LUC7L2: variants seen among roughly 807,000 people sequenced by gnomAD.
The protein encoded by LUC7L2 is putative RNA-binding protein Luc7-like 2.
Under a neutral mutation model 52.8 loss-of-function variants are expected in LUC7L2, and 25 were observed. That is an observed-to-expected ratio of 0.47 (90% confidence interval 0.34 to 0.66). LUC7L2 has a LOEUF of 0.66. LUC7L2 is among the 30% of genes least tolerant of loss of function. The pLI, the probability that LUC7L2 is intolerant of heterozygous loss-of-function variation, is 0.01. For missense variants in LUC7L2, 328 were observed against 497.8 expected, an observed-to-expected ratio of 0.66 and a Z score of 3.25; for synonymous variants, 144 against 160.9, an observed-to-expected ratio of 0.89 and a Z score of 0.80.
At chr7:139,340,690 G>A (rs1020140382) in intron 1 of LUC7L2, 16 of 392,968 alleles carry the variant, frequency 4.1e-5, no homozygotes, top group East Asian at 2.9e-4. Context: ...TGAGCGCGTC[G>A]TTTGCAGAAG....
At chr7:139,345,115 C>G (rs1363832247) in intron 1 of LUC7L2, 1 of 168,680 alleles carries the variant, frequency 5.9e-6, no homozygotes, top group Non-Finnish European at 1.3e-5. Flanking sequence ...GGAGAAAGTT[C>G]TACATAATAT....
intron 1 of LUC7L2, among the ~76,000 whole-genome samples, chr7:139,344,291 C>G (rs1466347238): frequency 6.6e-6 from 1 of 152,124 alleles, no homozygotes; most frequent in Non-Finnish European, 1.5e-5. Context: ...GGACACCCCC[C>G]ACCCCCACTC....
At chr7:139,368,962 A>G (rs567841339) in intron 1 of LUC7L2, among the ~76,000 whole-genome samples, 2 of 152,008 alleles carry the variant, frequency 1.3e-5, no homozygotes, top group African/African-American at 2.4e-5. Flanking sequence ...TGGGTTGTCT[A>G]TCACCTCTGT....
Position 139,360,329 on chromosome 7 carries a change from C to G in LUC7L2, c.61+7C>G. On this transcript the variant is annotated splice_region_variant and intron_variant, in intron 1 of 9. Transcript: ENST00000354926. ...ATGGGCACCTCCCGGGACGGTAAGT[C>G]TCTGCCAGGGCCCTGGGGGTGGGGG... The G allele has an allele frequency of 1.3e-6, 2 of 1,562,182 alleles. No individual in the cohort carries two copies. The highest frequency in any genetic ancestry group is 1.7e-6 in the Non-Finnish European group (2 of 1,154,128).
chr7:139,374,822 C>G, intron 1 of LUC7L2: 1 of 1,083,580 alleles, frequency 9.2e-7, no homozygotes, highest in East Asian at 6.4e-5. Context: ...TTAAGTTAAG[C>G]TCTTTAGTAT....
At chr7:139,418,511 T>G (rs1245831501) in intron 9 of LUC7L2, among the ~76,000 whole-genome samples, 1 of 152,206 alleles carries the variant, frequency 6.6e-6, no homozygotes, top group Admixed American at 6.5e-5. Context: ...AAACATTTTT[T>G]GAGTGCCTAG....
chr7:139,398,456 C>A, intron 2 of LUC7L2, 143 bp from the exon 3 acceptor site: 3 of 534,212 alleles, frequency 5.6e-6, no homozygotes, highest in Non-Finnish European at 6.1e-6. Flanking sequence ...TTATATTTGT[C>A]TATGAAATTT....
intron 1 of LUC7L2, chr7:139,345,574 G>T (rs375049853): frequency 2.5e-6 from 4 of 1,613,914 alleles, no homozygotes; most frequent in South Asian, 2.2e-5. Context: ...TGCCTCCTGC[G>T]TAGCATCCGG....
At chr7:139,399,963 A>T (rs1361379475) in intron 3 of LUC7L2, among the ~76,000 whole-genome samples, 1 of 152,190 alleles carries the variant, frequency 6.6e-6, no homozygotes, top group Non-Finnish European at 1.5e-5. Context: ...TAAATCTTTG[A>T]TACATTTTAT....
intron 1 of LUC7L2, among the ~76,000 whole-genome samples, chr7:139,351,236 CTCAAAT>C (rs1799449708): frequency 6.6e-6 from 1 of 152,200 alleles, no homozygotes; most frequent in South Asian, 2.1e-4. Flanking sequence ...ACTCAGTTAT[CTCAAAT>C]TCAATGTGTG....
At chr7:139,402,492 A>G (rs1038106119) in intron 4 of LUC7L2, among the ~76,000 whole-genome samples, 2 of 151,870 alleles carry the variant, frequency 1.3e-5, no homozygotes, top group Non-Finnish European at 2.9e-5. Flanking sequence ...TTATTTGTGT[A>G]TGCATGTCTG....
At chr7:139,358,208 T>A (rs1287187249), upstream of LUC7L2, among the ~76,000 whole-genome samples, 1 of 151,430 alleles carries the variant, frequency 6.6e-6, no homozygotes. Flanking sequence ...AATTTCACCA[T>A]GTTGGTCAGG....
chr7:139,340,546 T>C (rs981543410), intron 1 of LUC7L2: 2 of 398,266 alleles, frequency 5.0e-6, no homozygotes, highest in Admixed American at 4.4e-5. Flanking sequence ...TGATGTGGAC[T>C]TTTGTTCTCT....
At chr7:139,381,445 T>A (rs969579946) in intron 2 of LUC7L2, among the ~76,000 whole-genome samples, 1 of 151,656 alleles carries the variant, frequency 6.6e-6, no homozygotes, top group African/African-American at 2.4e-5. Flanking sequence ...AGGGTCACAC[T>A]CTTGGCCAGG....
chr7:139,407,582 A>G (rs955942563), intron 6 of LUC7L2, among the ~76,000 whole-genome samples: 1 of 152,160 alleles, frequency 6.6e-6, no homozygotes, highest in Non-Finnish European at 1.5e-5. Context: ...TAGATATGAC[A>G]CCGAGTTAGG....
intron 2 of LUC7L2, among the ~76,000 whole-genome samples, chr7:139,376,540 T>C (rs1316874304): frequency 6.6e-6 from 1 of 152,204 alleles, no homozygotes; most frequent in Non-Finnish European, 1.5e-5. Flanking sequence ...TTGTACACAT[T>C]TGTGGAATCA....
At chr7:139,403,442 T>C (rs1181649163) in intron 4 of LUC7L2, among the ~76,000 whole-genome samples, 1 of 152,212 alleles carries the variant, frequency 6.6e-6, no homozygotes. Flanking sequence ...TATTAAAATA[T>C]GGTGTTCAGA....
At chr7:139,375,146 T>G (rs983267136) in intron 1 of LUC7L2, 31 of 983,468 alleles carry the variant, frequency 3.2e-5, no homozygotes, top group Non-Finnish European at 3.6e-5. Context: ...TCCAAAGAGA[T>G]TCTAAGCAAA....
intron 1 of LUC7L2, chr7:139,375,308 C>T: frequency 2.0e-6 from 2 of 985,332 alleles, no homozygotes; most frequent in Non-Finnish European, 2.4e-6. Context: ...TATATGAAGA[C>T]AGAATGAATT....
Sources: gnomAD v4.1 joint callset for allele counts (sites outside exome capture counted in the v4.1 genomes callset) on GRCh38, gnomAD v4.1.1 for gene constraint, MANE v1.5 for transcripts, NCBI Gene and HGNC (gene_info 2026-07-23, HGNC 2026-07-21) for gene names.